The following ATAD2 variants were observed in gnomAD, a reference collection of about 807,000 sequenced individuals.
ATAD2 encodes ATPase family AAA domain containing 2, also known as ATPase family AAA domain-containing protein 2.
Under a neutral mutation model 168.9 loss-of-function variants are expected in ATAD2, and 62 were observed. The observed-to-expected ratio is 0.37, with a 90% CI of 0.30 to 0.45. The LOEUF is 0.45. Among genes scored for constraint, ATAD2 ranks in the 20% least tolerant of loss-of-function variants. ATAD2 has a pLI of 1.00. For missense variants in ATAD2, 1,419 were observed against 1,667.8 expected, an observed-to-expected ratio of 0.85 and a Z score of 2.60; for synonymous variants, 613 against 571.6, an observed-to-expected ratio of 1.07 and a Z score of -1.03.
Position 123,325,986 on chromosome 8 carries a change from C to T in ATAD2, c.3909G>A (p.Gln1303=). ...VLRMTRARRS[Q]VEQQQLITVE... The stretch of plus-strand genomic sequence containing the variant: ...CAGTGATGAGCTGCTGCTGTTCTAC[C>T]TGGGAACGTCTAGCTCGAGTCATTC... The change falls in exon 26 of 28, where the codon CAG becomes CAA. Residue 1303 remains glutamine (Q), a synonymous_variant. Coordinates refer to ENST00000287394, the MANE Select transcript of ATAD2 (RefSeq NM_014109.4). 2 of 1,614,100 alleles carry T rather than the reference C, an allele frequency of 1.2e-6. No homozygotes were observed. Among genetic ancestry groups the T allele is most frequent in the South Asian group, 2.2e-5 (2 of 91,084 alleles).
chr8:123,353,028 C>T (rs548250019), intron 13 of ATAD2, among the ~76,000 whole-genome samples: 1 of 152,150 alleles, frequency 6.6e-6, no homozygotes, highest in African/African-American at 2.4e-5. Flanking sequence ...GATCATGCTA[C>T]TGCACTCCAG....
At position 123,396,255 on chromosome 8, in the gene ATAD2, C is replaced by T. The variant is rs762629653; in HGVS notation, c.103G>A (p.Gly35Ser). The T allele has an allele frequency of 1.1e-5, 17 of 1,609,918 alleles. No homozygotes were observed. The highest frequency in any genetic ancestry group is 1.3e-5 in the African/African-American group (1 of 74,928). Reference sequence around the variant, plus strand: ...CCGGCCGAGCGGAGCCGCCTCCGGCCGATGTGCTCCAGACTGAGGAAGTCA... The same window carrying T: ...CCGGCCGAGCGGAGCCGCCTCCGGCTGATGTGCTCCAGACTGAGGAAGTCA... ...SSDFLSLEHI[G>S]RRRLRSAGAA... Residue 35 changes from glycine to serine, a missense_variant, in exon 1 of 28, where the codon GGC (glycine) becomes AGC (serine). By Grantham distance (56) the Gly-to-Ser change is moderately conservative. Coordinates refer to ENST00000287394, the MANE Select transcript of ATAD2 (RefSeq NM_014109.4).
intron 2 of ATAD2, among the ~76,000 whole-genome samples, chr8:123,375,450 G>C (rs1227045913): frequency 1.3e-5 from 2 of 152,144 alleles, no homozygotes; most frequent in African/African-American, 2.4e-5. Context: ...AAATGTTTTG[G>C]AAAAGTATGC....
In ATAD2 at chr8:123,325,090, G is replaced by A. The variant is rs896754891; in HGVS notation, c.4002+803C>T. ...ATCTATTTTATATTAAAAAATAATA[G>A]TAATAATTCTTTTTTTTTTTTTTTT... On this transcript the variant is annotated intron_variant, in intron 26 of 27. Coordinates refer to ENST00000287394, the MANE Select transcript of ATAD2 (RefSeq NM_014109.4). 1.2e-4 allele frequency among the ~76,000 whole-genome samples: 18 copies of A among 144,816 alleles called. 1 individual carries two copies. The highest frequency in any genetic ancestry group is 4.0e-4 in the African/African-American group (16 of 39,572).
chr8:123,388,884 T>G (rs1484312734), intron 1 of ATAD2, among the ~76,000 whole-genome samples: 2 of 151,800 alleles, frequency 1.3e-5, no homozygotes, highest in Non-Finnish European at 2.9e-5. Context: ...ATACTCTTAG[T>G]TCCATGATTC....
rs772123752 is a variant in ATAD2, at chr8:123,328,559, G to A, written c.3499C>T (p.Arg1167Cys). Residue 1167 changes from arginine to cysteine, a missense_variant, in exon 25 of 28, where the codon CGC becomes TGC. Physicochemically the swap from Arg to Cys is radical, Grantham distance 180 (BLOSUM62 -3). Coordinates refer to ENST00000287394, the MANE Select transcript of ATAD2 (RefSeq NM_014109.4). The part of the protein sequence containing the change: ...STPAQLKRKI[R>C]KKSNWYLGTI... ...CCTAAGTACCAGTTTGACTTTTTGC[G>A]AATTTTCCTCTTCAACTGAGCTTCA... The A allele has an allele frequency of 6.5e-6, 10 of 1,530,516 alleles. No homozygotes were observed. The highest frequency in any genetic ancestry group is 3.9e-5 in the South Asian group (3 of 77,098). 94.8% of individuals were successfully genotyped at this position (1,530,516 alleles called of 1,614,324 possible).
Position 123,372,005 on chromosome 8 carries a change from C to T in ATAD2, c.371-170G>A, listed in dbSNP as rs143442774. The stretch of plus-strand genomic sequence containing the variant: ...AAAACAAAAATAAAGTTAAAACATA[C>T]ACCTACCATAAGATTGAGCCCACCT... On this transcript the variant is annotated intron_variant, in intron 3 of 27. Transcript: ENST00000287394. Among the ~76,000 whole-genome samples, 10 of 152,180 alleles carry T rather than the reference C, an allele frequency of 6.6e-5. No individual in the cohort carries two copies. In the East Asian group the frequency reaches 1.7e-3, roughly 26 times the overall value.
rs1320334131 is a variant in ATAD2, at chr8:123,368,651, A to G, written c.1049+407T>C. ...GTCTAGAGGCCATGTAGCTTAGAAC[A>G]TCTGACATGGTAGGAAAATGCATCT... On this transcript the variant is annotated intron_variant, in intron 8 of 27. Coordinates refer to ENST00000287394, the MANE Select transcript of ATAD2 (RefSeq NM_014109.4). Among the ~76,000 whole-genome samples, 6 of 152,228 alleles carry G rather than the reference A, an allele frequency of 3.9e-5. No individual in the cohort carries two copies. In the East Asian group the frequency reaches 1.2e-3, roughly 29 times the overall value.
rs769711088 is a variant in ATAD2, at chr8:123,328,393, G to A, written c.3665C>T (p.Ser1222Leu). The A allele has an allele frequency of 6.9e-6, 11 of 1,600,004 alleles. No homozygotes were observed. Among genetic ancestry groups the A allele is most frequent in the African/African-American group, 2.7e-5 (2 of 74,190 alleles). The change falls in exon 25 of 28, where the codon TCG becomes TTG. Residue 1222 changes from serine (S) to leucine (L), a missense_variant. Ser to Leu is a moderately radical substitution (Grantham distance 145). Transcript: ENST00000287394. ...TTGCTGTTTTTCATTTTCTTCCACC[G>A]AAGACTCTCCTGTGTTTCCGGTCTC... The part of the protein sequence containing the change: ...HNETGNTGES[S>L]VEENEKQQNA...
At chr8:123,360,778 G>A (rs1828790870) in intron 9 of ATAD2, among the ~76,000 whole-genome samples, 1 of 152,058 alleles carries the variant, frequency 6.6e-6, no homozygotes, top group Non-Finnish European at 1.5e-5. Flanking sequence ...AACCAGATCT[G>A]TAAAATGTAA....
In ATAD2 at chr8:123,349,441, A is replaced by T; in HGVS notation, c.1650T>A (p.Ser550=). Residue 550 remains serine (S), a synonymous_variant, in exon 14 of 28, where the codon TCT becomes TCA. Transcript: ENST00000287394. The part of the protein sequence containing the change: ...RSSRQDQIHS[S]IVSTLLALMD... ...TAAGAGCTAGCAGGGTGGAAACAAT[A>T]GAACTAAATTTTAAAAATAAGAGAG... 1 of 1,613,230 alleles carries T rather than the reference A, an allele frequency of 6.2e-7. No individual in the cohort carries two copies. Among genetic ancestry groups the T allele is most frequent in the South Asian group, 1.1e-5 (1 of 90,928 alleles).
intron 11 of ATAD2, 76 bp downstream of exon 11, chr8:123,359,145 T>C: frequency 9.7e-7 from 1 of 1,034,012 alleles, no homozygotes; most frequent in Non-Finnish European, 1.4e-6. Context: ...AATGGGTTAA[T>C]AAGCAAGGTA....
At chr8:123,321,600 T>G (rs1454256104) in intron 27 of ATAD2, among the ~76,000 whole-genome samples, 1 of 152,082 alleles carries the variant, frequency 6.6e-6, no homozygotes, top group Non-Finnish European at 1.5e-5. Flanking sequence ...TATCTTTTTT[T>G]AAAATTTAGC....
upstream of ATAD2, chr8:123,401,422 C>A: frequency 7.2e-7 from 1 of 1,389,092 alleles, no homozygotes; most frequent in South Asian, 1.2e-5. Context: ...GCTGTATCAA[C>A]TGCCATGGTG....
intron 12 of ATAD2, 54 bp downstream of exon 12, chr8:123,357,508 C>T: frequency 2.1e-6 from 3 of 1,439,434 alleles, no homozygotes; most frequent in Non-Finnish European, 2.8e-6. Flanking sequence ...AATCCTCACA[C>T]ACATCTGCCT....
chr8:123,371,910 C>T, intron 3 of ATAD2, 75 bp from the exon 4 acceptor site: 1 of 1,301,938 alleles, frequency 7.7e-7, no homozygotes, highest in Non-Finnish European at 1.0e-6. Flanking sequence ...CTAAAATGAA[C>T]AATTGAAAAG....
rs71310666 is a variant in ATAD2, at chr8:123,329,981, CT to C, written c.3479-1403del. ...AGATTACCTTTCTCCCCAGTGGCTT[CT>C]TTTTTTTTTTTTTTTTTTTTTTTGA... is the stretch of plus-strand genomic sequence containing the variant. On this transcript the variant is annotated intron_variant, in intron 24 of 27. Transcript: ENST00000287394. 1.6e-3 allele frequency among the ~76,000 whole-genome samples: 158 copies of C among 100,312 alleles called. 1 individual carries two copies. The highest frequency in any genetic ancestry group is 5.4e-3 in the African/African-American group (150 of 27,592). 65.8% of individuals were successfully genotyped at this position (100,312 alleles called of 152,430 possible).
chr8:123,410,691 A>T (rs1813141755), intron 1 of ATAD2, among the ~76,000 whole-genome samples: 1 of 150,604 alleles, frequency 6.6e-6, no homozygotes, highest in South Asian at 2.1e-4. Flanking sequence ...ACTCTATTTC[A>T]CTCTATTAAA....
intron 3 of ATAD2, 134 bp downstream of exon 3, chr8:123,372,503 G>A: frequency 1.5e-6 from 1 of 658,850 alleles, no homozygotes; most frequent in Non-Finnish European, 2.4e-6. Flanking sequence ...TGGCTTCATG[G>A]CATATACTTA....
Sources: allele counts gnomAD v4.1 joint callset (sites outside exome capture counted in the v4.1 genomes callset), GRCh38; gene constraint gnomAD v4.1.1; transcripts MANE v1.5; gene names NCBI Gene and HGNC (gene_info 2026-07-23, HGNC 2026-07-21).